Variants in ZNF813 observed in about 807,000 individuals in gnomAD.
ZNF813 encodes zinc finger protein 813.
Under a neutral mutation model 7.2 loss-of-function variants are expected in ZNF813, and 3 were observed. The observed-to-expected ratio is 0.42, with a 90% CI of 0.19 to 1.08. The LOEUF (loss-of-function observed/expected upper bound fraction) is 1.08. ZNF813 is among the 50% of genes least tolerant of loss of function. ZNF813 has a pLI of 0.30. For missense variants in ZNF813, 714 were observed against 753.3 expected (o/e 0.95, Z 0.61); for synonymous variants, 227 against 256.3 (o/e 0.89, Z 1.09).
rs138552423 is a variant in ZNF813, at chr19:53,488,087, C to T, written c.142+1329C>T. ...TCGCCCATGCTGGAGTGCAGTGGCA[C>T]AATCTTGGGTCACTCCAACCTCCAA... On this transcript the variant is annotated intron_variant, in intron 3 of 3. Coordinates refer to ENST00000396403, the MANE Select transcript of ZNF813 (RefSeq NM_001004301.4). 2,016 of 264,690 alleles carry T rather than the reference C, an allele frequency of 7.6e-3. 41 individuals are homozygous for T. The highest frequency in any genetic ancestry group is 0.043 in the African/African-American group (1,875 of 43,896). 16.4% of individuals were successfully genotyped at this position (264,690 alleles called of 1,614,324 possible).
Position 53,492,719 on chromosome 19 carries a change from TA to T in ZNF813, c.*635del. ...AGGAAGAGAGATCATACAAGTGTAA[TA>T]ATCGGCAAATTTTTCAGACATCGTC... On this transcript the variant is annotated 3_prime_UTR_variant, in exon 4 of 4. Coordinates refer to ENST00000396403, the MANE Select transcript of ZNF813 (RefSeq NM_001004301.4). 1.4e-6 allele frequency: 1 copy of T among 719,356 alleles called. No homozygotes were observed. The highest frequency in any genetic ancestry group is 2.3e-6 in the Non-Finnish European group (1 of 433,168). 44.6% of individuals were successfully genotyped at this position (719,356 alleles called of 1,614,324 possible).
In ZNF813 at chr19:53,489,843, C is replaced by T. The variant is rs553427651; in HGVS notation, c.143-532C>T. ...CCTCCTGAGTAGCTGGGACTACAGA[C>T]GTAGGCCACCACGCCTGGCTACATT... On this transcript the variant is annotated intron_variant, in intron 3 of 3. Coordinates refer to ENST00000396403, the MANE Select transcript of ZNF813 (RefSeq NM_001004301.4). 6.6e-5 allele frequency among the ~76,000 whole-genome samples: 10 copies of T among 152,150 alleles called. 1 individual carries two copies. The highest frequency in any genetic ancestry group is 4.1e-4 in the South Asian group (2 of 4,822).
intron 1 of ZNF813, among the ~76,000 whole-genome samples, chr19:53,480,435 T>A (rs2086402898): frequency 6.6e-6 from 1 of 152,010 alleles, no homozygotes; most frequent in Non-Finnish European, 1.5e-5. Context: ...GCTCACATCA[T>A]TTTTTTTCTG....
intron 3 of ZNF813, among the ~76,000 whole-genome samples, chr19:53,487,317 AT>A (rs993098620): frequency 2.0e-5 from 3 of 151,776 alleles, no homozygotes; most frequent in African/African-American, 4.8e-5. Context: ...TGTATTGTAG[AT>A]TTTTTTTGTT....
At chr19:53,475,016 C>T (rs2086375833) in intron 1 of ZNF813, among the ~76,000 whole-genome samples, 1 of 152,096 alleles carries the variant, frequency 6.6e-6, no homozygotes, top group Non-Finnish European at 1.5e-5. Flanking sequence ...CTTCTGGCAT[C>T]CTTGCCATTT....
chr19:53,491,451 G>C lies in ZNF813; in HGVS notation c.1219G>C (p.Gly407Arg). The change falls in exon 4 of 4, where the codon GGA (glycine) becomes CGA (arginine). Residue 407 changes from glycine (G) to arginine (R), a missense_variant. By Grantham distance (125) the Gly-to-Arg change is moderately radical. This residue lies in a region of ZNF813 where 563 missense variants were observed against 554.2 expected (regional missense o/e 1.02). Coordinates refer to ENST00000396403, the MANE Select transcript of ZNF813 (RefSeq NM_001004301.4). The part of the protein sequence containing the change: ...TLKCHRRLHT[G>R]EKPYKCNECG... ...TAAATGCCATCGTAGACTTCATACC[G>C]GAGAGAAGCCTTACAAGTGTAATGA... 1 of 1,614,094 alleles carries C rather than the reference G, an allele frequency of 6.2e-7. No individual in the cohort carries two copies. Among genetic ancestry groups the C allele is most frequent in the Non-Finnish European group, 8.5e-7 (1 of 1,180,008 alleles).
intron 1 of ZNF813, among the ~76,000 whole-genome samples, chr19:53,480,434 AT>A (rs1234184939): frequency 1.3e-5 from 2 of 150,580 alleles, no homozygotes; most frequent in Non-Finnish European, 3.0e-5. Flanking sequence ...AGCTCACATC[AT>A]TTTTTTTCTG....
At chr19:53,481,503 A>G (rs1409426734) in intron 1 of ZNF813, among the ~76,000 whole-genome samples, 2 of 151,860 alleles carry the variant, frequency 1.3e-5, no homozygotes, top group African/African-American at 4.8e-5. Context: ...CCCAGCCACC[A>G]TGCCCAGCTA....
At chr19:53,475,354 G>T (rs1377042078) in intron 1 of ZNF813, among the ~76,000 whole-genome samples, 4 of 152,398 alleles carry the variant, frequency 2.6e-5, no homozygotes, top group Admixed American at 2.6e-4. Context: ...TTCTAGCACA[G>T]AACTACTTCC....
chr19:53,489,312 G>A (rs1205459523), intron 3 of ZNF813, among the ~76,000 whole-genome samples: 1 of 152,156 alleles, frequency 6.6e-6, no homozygotes, highest in Non-Finnish European at 1.5e-5. Flanking sequence ...TGGCATTAAT[G>A]TCACATTAAC....
intron 1 of ZNF813, among the ~76,000 whole-genome samples, chr19:53,469,737 A>AAGAGGG (rs1555841709): frequency 7.5e-5 from 11 of 146,856 alleles, no homozygotes; most frequent in Non-Finnish European, 1.4e-4. Context: ...TGCTGGTGGC[A>AAGAGGG]AGAACAGAGG....
chr19:53,495,847 C>T lies in ZNF813; in HGVS notation c.*3761C>T. 4 of 181,628 alleles carry T rather than the reference C, an allele frequency of 2.2e-5. No homozygotes were observed. Among genetic ancestry groups the T allele is most frequent in the Non-Finnish European group, 4.8e-5 (4 of 83,702 alleles). 11.3% of individuals were successfully genotyped at this position (181,628 alleles called of 1,614,324 possible). A position where few individuals can be genotyped will look rare whatever the true frequency, so the allele number is the denominator to read the frequency against. ...TATGTCAAGCCCCTTCTCTTCCTGT[C>T]TCCTCTCGTGGTGTGTACTTGACTC... On this transcript the variant is annotated 3_prime_UTR_variant, in exon 4 of 4. Coordinates refer to ENST00000396403, the MANE Select transcript of ZNF813 (RefSeq NM_001004301.4).
intron 1 of ZNF813, among the ~76,000 whole-genome samples, chr19:53,480,912 C>T (rs1600111220): frequency 6.6e-6 from 1 of 152,152 alleles, no homozygotes; most frequent in Non-Finnish European, 1.5e-5. Flanking sequence ...GTTAAGAATG[C>T]ATAAGGTGGG....
At chr19:53,485,587 T>TATGTATGTCATGATATATAC (rs1555843899) in intron 2 of ZNF813, among the ~76,000 whole-genome samples, 4 of 139,694 alleles carry the variant, frequency 2.9e-5, no homozygotes, top group South Asian at 4.7e-4. Context: ...TGTCATGACA[T>TATGTATGTCATGATATATAC]ATGTATGTCA....
rs1555841748 is a variant in ZNF813 at position 53,469,974 on chromosome 19, A to AACAC, written c.-74+2186_-74+2187insCACA. ...ATCTAAAAAGCTGAGCATTTCAACA[A>AACAC]AGAGTGGGGTTTTTATAAGCAGGCT... is the stretch of plus-strand genomic sequence containing the variant. On this transcript the variant is annotated intron_variant, in intron 1 of 3. Coordinates refer to ENST00000396403, the MANE Select transcript of ZNF813 (RefSeq NM_001004301.4). Among the ~76,000 whole-genome samples the AACAC allele has an allele frequency of 7.0e-4, 103 of 146,706 alleles. 4 individuals are homozygous for AACAC. In the South Asian group the frequency reaches 0.02, roughly 28 times the overall value.
At chr19:53,488,411 T>C (rs927431521) in intron 3 of ZNF813, 6 of 295,406 alleles carry the variant, frequency 2.0e-5, no homozygotes, top group Admixed American at 5.0e-5. Flanking sequence ...TTTCCTTTTT[T>C]TTCTTTTTTT....
rs1446314266 is a variant in ZNF813 at position 53,491,895 on chromosome 19, G to T, written c.1663G>T (p.Glu555Ter). ...TGGAGATAAACCTTACAAGTGTAATGAATGTGGCAAGGTTTTTAATCAAAA... is the reference window on the plus strand; with the variant it reads ...TGGAGATAAACCTTACAAGTGTAATTAATGTGGCAAGGTTTTTAATCAAAA... Reference protein sequence around the residue: ...HTGDKPYKCNECGKVFNQKAH... With the variant: ...HTGDKPYKCN The change falls in exon 4 of 4, where the codon GAA (glutamate) becomes TAA (stop). Residue 555 changes from glutamate (E) to a stop codon, truncating the protein, a stop_gained. Coordinates refer to ENST00000396403, the MANE Select transcript of ZNF813 (RefSeq NM_001004301.4). LOFTEE classifies it low-confidence loss of function (END_TRUNC). 6.2e-7 allele frequency: 1 copy of T among 1,612,914 alleles called. No homozygotes were observed. Among genetic ancestry groups the T allele is most frequent in the African/African-American group, 1.3e-5 (1 of 74,880 alleles).
Position 53,492,322 on chromosome 19 carries a change from GT to G in ZNF813, c.*237del, listed in dbSNP as rs2086468120. ...TGTGAAGCATGTGACAAAGTTTACA[GT>G]GGCAAATCGAGCCTCAAAAGACAGG... On this transcript the variant is annotated 3_prime_UTR_variant, in exon 4 of 4. Transcript: ENST00000396403. 1 of 681,688 alleles carries G rather than the reference GT, an allele frequency of 1.5e-6. No homozygotes were observed. Among genetic ancestry groups the G allele is most frequent in the African/African-American group, 1.8e-5 (1 of 55,488 alleles). The allele number at this position is 681,688 out of a possible 1,614,324, so 42.2% of individuals were successfully genotyped here. A position where few individuals can be genotyped will look rare whatever the true frequency, so the allele number is the denominator to read the frequency against.
intron 1 of ZNF813, among the ~76,000 whole-genome samples, chr19:53,469,407 C>A (rs747301557): frequency 2.4e-4 from 37 of 152,074 alleles, no homozygotes; most frequent in Non-Finnish European, 4.0e-4. Flanking sequence ...CATCTTACTC[C>A]AAACCGTCAT....
Sources: allele counts gnomAD v4.1 joint callset (sites outside exome capture counted in the v4.1 genomes callset), GRCh38; gene constraint gnomAD v4.1.1; regional missense constraint gnomAD v4.1.1; transcripts MANE v1.5; gene names NCBI Gene and HGNC (gene_info 2026-07-23, HGNC 2026-07-21).